ARHGAP30: variants seen among roughly 807,000 people sequenced by gnomAD.
ARHGAP30 encodes the protein Rho GTPase activating protein 30.
ARHGAP30 carries 23 observed loss-of-function variants against 72.0 expected under a neutral mutation model. That is an observed-to-expected ratio of 0.32 (90% CI 0.23 to 0.45). The LOEUF (loss-of-function observed/expected upper bound fraction) is 0.45. Among genes scored for constraint, ARHGAP30 ranks in the 20% least tolerant of loss-of-function variants. The pLI is 1.00. For missense variants in ARHGAP30, 1,319 were observed against 1,383.4 expected (o/e 0.95, Z 0.74); for synonymous variants, 576 against 528.2 (o/e 1.09, Z -1.24).
At chr1:161,064,838 AAAGAAAGAAAGGAAAGG>A (rs1450004642) in intron 1 of ARHGAP30, among the ~76,000 whole-genome samples, 4 of 117,092 alleles carry the variant, frequency 3.4e-5, no homozygotes, top group Admixed American at 8.7e-5. Flanking sequence ...AAAGAGAAAG[AAAGAAAGAAAGGAAAGG>A]AAGGAGAGGA....
At chr1:161,052,577 G>A (rs531692856) in intron 7 of ARHGAP30, 34 bp from the exon 8 acceptor site, 1 of 1,614,030 alleles carries the variant, frequency 6.2e-7, no homozygotes, top group Non-Finnish European at 8.5e-7. Flanking sequence ...TTGGAGGTTG[G>A]AACATGAAGG....
Position 161,052,348 on chromosome 1 carries a change from T to C in ARHGAP30, c.956A>G (p.Lys319Arg), listed in dbSNP as rs1398671896. ...GCTTTTGGCTGGCCGCAGTGTCCCC[T>C]TGTTGGATTTATCCTCTGTAAGACA... is the stretch of plus-strand genomic sequence containing the variant. ...GAEDREDKSNKGTLRPAKSMD... is the reference protein window; with the variant it reads ...GAEDREDKSNRGTLRPAKSMD... The change falls in exon 9 of 12, where the codon AAG (lysine) becomes AGG (arginine). Residue 319 changes from lysine (K) to arginine (R), a missense_variant. By Grantham distance (26) the Lys-to-Arg change is conservative. Around this residue, in one of 2 missense-constraint regions of ARHGAP30, gnomAD observed 1,097 missense variants for 1,045.2 expected, o/e 1.05. Transcript: ENST00000368013. 2.5e-6 allele frequency: 4 copies of C among 1,613,822 alleles called. No homozygotes were observed. The African/African-American group carries it at 5.3e-5, about 22-fold the overall frequency.
intron 1 of ARHGAP30, among the ~76,000 whole-genome samples, chr1:161,065,466 G>C (rs969238968): frequency 2.0e-5 from 3 of 152,082 alleles, no homozygotes; most frequent in African/African-American, 7.2e-5. Context: ...GCTCTTTGTT[G>C]AATAAAGTAT....
chr1:161,054,779 C>A, intron 3 of ARHGAP30, 74 bp from the exon 4 acceptor site: 2 of 1,345,194 alleles, frequency 1.5e-6, no homozygotes, highest in Non-Finnish European at 2.1e-6. Context: ...GAGCTTGTAA[C>A]CAAGTTCTCA....
rs1303742105 is a variant in ARHGAP30, at chr1:161,047,730, T to C, written c.3291A>G (p.Lys1097=). The C allele has an allele frequency of 7.2e-6, 11 of 1,522,646 alleles. No homozygotes were observed. The highest frequency in any genetic ancestry group is 9.7e-6 in the Non-Finnish European group (11 of 1,136,584). 94.3% of individuals were successfully genotyped at this position (1,522,646 alleles called of 1,614,324 possible). ...GTGGTCCTAATCACAGTCCTTCACC[T>C]TTCCCAGGGTTAGCCTGTGTTTCAA... ...YAFETQANPG[K]GEGL Residue 1097 remains lysine (K), a synonymous_variant, in exon 12 of 12, where the codon AAA becomes AAG. Coordinates refer to ENST00000368013, the MANE Select transcript of ARHGAP30 (RefSeq NM_001025598.2).
Position 161,069,604 on chromosome 1 carries a change from T to C in ARHGAP30, c.21A>G (p.Gly7=), listed in dbSNP as rs1410070380. The change falls in exon 1 of 12, where the codon GGA becomes GGG. Residue 7 remains glycine (G), a synonymous_variant. Coordinates refer to ENST00000368013, the MANE Select transcript of ARHGAP30 (RefSeq NM_001025598.2). This position sits in a 1 kb window ranked among gnomAD's most constrained non-coding sequence, Gnocchi z 4.9. ...GCTCCTTTGCGCTGCCCTTCTTCTTTCCTTTCTGCCGAGACTTCATGGCCA... is the reference window on the plus strand; with the variant it reads ...GCTCCTTTGCGCTGCCCTTCTTCTTCCCTTTCTGCCGAGACTTCATGGCCA... MKSRQK[G]KKKGSAKERV... 21 of 1,610,788 alleles carry C rather than the reference T, an allele frequency of 1.3e-5. No individual in the cohort carries two copies. Among genetic ancestry groups the C allele is most frequent in the Non-Finnish European group, 1.5e-5 (18 of 1,180,018 alleles).
At position 161,054,660 on chromosome 1, in the gene ARHGAP30, G is replaced by A. The variant is rs1557925028; in HGVS notation, c.391C>T (p.Leu131=). Residue 131 remains leucine (L), a synonymous_variant, in exon 4 of 12, where the codon CTA becomes TTA. Coordinates refer to ENST00000368013, the MANE Select transcript of ARHGAP30 (RefSeq NM_001025598.2). The part of the protein sequence containing the change: ...QLEPERLVKI[L]EVLRELPVPN... The stretch of plus-strand genomic sequence containing the variant: ...ACAGGGAGTTCCCGAAGCACCTCTA[G>A]GATCTTGACCAAGCGCTCAGGTTCC... 1 of 1,613,996 alleles carries A rather than the reference G, an allele frequency of 6.2e-7. No individual in the cohort carries two copies. The highest frequency in any genetic ancestry group is 8.5e-7 in the Non-Finnish European group (1 of 1,180,026).
At chr1:161,057,974 G>A (rs111847432) in intron 2 of ARHGAP30, among the ~76,000 whole-genome samples, 38,807 of 151,788 alleles carry the variant, frequency 0.26, 7,598 homozygotes, top group African/African-American at 0.55. Flanking sequence ...CAACATGGAG[G>A]AACCCCGTCT....
At chr1:161,056,246 G>A (rs1312881250) in intron 3 of ARHGAP30, 142 bp downstream of exon 3, 4 of 1,172,344 alleles carry the variant, frequency 3.4e-6, no homozygotes, top group African/African-American at 3.1e-5. Context: ...GGGAGGAGGG[G>A]TCTTTTCCCC....
chr1:161,064,811 G>GA (rs1180443934), intron 1 of ARHGAP30, among the ~76,000 whole-genome samples: 2 of 65,154 alleles, frequency 3.1e-5, no homozygotes, highest in Non-Finnish European at 5.6e-5. Context: ...AAGAAAGAAA[G>GA]AAAGAAAGAA....
intron 1 of ARHGAP30, among the ~76,000 whole-genome samples, chr1:161,067,694 AG>A (rs1212751282): frequency 6.6e-6 from 1 of 152,190 alleles, no homozygotes; most frequent in African/African-American, 2.4e-5. Flanking sequence ...AGCTGGAGAG[AG>A]GGCTGAGATG....
At chr1:161,063,778 G>A (rs973536955) in intron 1 of ARHGAP30, among the ~76,000 whole-genome samples, 4 of 152,104 alleles carry the variant, frequency 2.6e-5, no homozygotes, top group South Asian at 2.1e-4. Context: ...AAGAGAATGC[G>A]CACCTAGGGG....
Position 161,055,811 on chromosome 1 carries a change from A to T in ARHGAP30, c.345+577T>A, listed in dbSNP as rs1249222031. ...AATTAAAATAAAATAAAATAATAAA[A>T]TAAAATAAAATAAAATAAAATAAAA... is the stretch of plus-strand genomic sequence containing the variant. On this transcript the variant is annotated intron_variant, in intron 3 of 11. Coordinates refer to ENST00000368013, the MANE Select transcript of ARHGAP30 (RefSeq NM_001025598.2). Among the ~76,000 whole-genome samples the T allele has an allele frequency of 5.8e-4, 30 of 52,072 alleles. 2 individuals are homozygous for T. The highest frequency in any genetic ancestry group is 2.1e-3 in the African/African-American group (30 of 14,122). 34.2% of individuals were successfully genotyped at this position (52,072 alleles called of 152,430 possible). A position where few individuals can be genotyped will look rare whatever the true frequency, so the allele number is the denominator to read the frequency against.
chr1:161,068,185 G>A (rs1432122949), intron 1 of ARHGAP30, among the ~76,000 whole-genome samples: 1 of 152,200 alleles, frequency 6.6e-6, no homozygotes. Context: ...TGAGCTGGGA[G>A]GAGCACATCA....
chr1:161,069,824 TGAA>T lies in ARHGAP30; in HGVS notation c.-203_-201del, dbSNP rs879274054. On this transcript the variant is annotated 5_prime_UTR_variant, in exon 1 of 12. Transcript: ENST00000368013. The surrounding 1 kb of genome is among the most constrained non-coding windows in gnomAD (Gnocchi z 4.9). ...GCCCCGGCCACACGGAAGTGGCTGT[TGAA>T]GAGGAAGCTACCAGGACCCTGGCAA... 3.2e-5 allele frequency: 19 copies of T among 594,192 alleles called. No individual in the cohort carries two copies. The highest frequency in any genetic ancestry group is 6.0e-5 in the Admixed American group (2 of 33,570). 36.8% of individuals were successfully genotyped at this position (594,192 alleles called of 1,614,324 possible). A position where few individuals can be genotyped will look rare whatever the true frequency, so the allele number is the denominator to read the frequency against.
In ARHGAP30 at chr1:161,053,009, G is replaced by A. The variant is rs1294199962; in HGVS notation, c.665-212C>T. The A allele has an allele frequency of 8.3e-6, 7 of 844,648 alleles. No individual in the cohort carries two copies. In the East Asian group the frequency reaches 1.3e-4, roughly 16 times the overall value. The allele number at this position is 844,648 out of a possible 1,614,324, so 52.3% of individuals were successfully genotyped here. A position where few individuals can be genotyped will look rare whatever the true frequency, so the allele number is the denominator to read the frequency against. Reference sequence around the variant, plus strand: ...AGAACGTTGGCCTGGTGGGCTGGGGGTGGATATGAGCCATCACTAGCCTTG... The same window carrying A: ...AGAACGTTGGCCTGGTGGGCTGGGGATGGATATGAGCCATCACTAGCCTTG... On this transcript the variant is annotated intron_variant, in intron 6 of 11. Coordinates refer to ENST00000368013, the MANE Select transcript of ARHGAP30 (RefSeq NM_001025598.2).
intron 9 of ARHGAP30, among the ~76,000 whole-genome samples, chr1:161,052,026 ACCACCACCACCACCACCACCACCACCACC>A (rs1557920934): frequency 0.056 from 4,249 of 76,084 alleles, 707 homozygotes; most frequent in Admixed American, 0.061. Context: ...CACCACCACC[ACCACCACCACCACCACCACCACCACCACC>A]ACCACATACC....
rs1650908249 is a variant in ARHGAP30, at chr1:161,047,229, T to C, written c.*486A>G. On this transcript the variant is annotated 3_prime_UTR_variant, in exon 12 of 12. Coordinates refer to ENST00000368013, the MANE Select transcript of ARHGAP30 (RefSeq NM_001025598.2). ...AGCTCTTCCTGGACGTTTCTCTTAATCTGGATTTAAAAGGGACAGGAGGTA... is the reference window on the plus strand; with the variant it reads ...AGCTCTTCCTGGACGTTTCTCTTAACCTGGATTTAAAAGGGACAGGAGGTA... 1 of 236,722 alleles carries C rather than the reference T, an allele frequency of 4.2e-6. No homozygotes were observed. The highest frequency in any genetic ancestry group is 5.7e-5 in the Admixed American group (1 of 17,578). 14.7% of individuals were successfully genotyped at this position (236,722 alleles called of 1,614,324 possible). A position where few individuals can be genotyped will look rare whatever the true frequency, so the allele number is the denominator to read the frequency against.
At position 161,047,974 on chromosome 1, in the gene ARHGAP30, C is replaced by G. The variant is rs775692057; in HGVS notation, c.3047G>C (p.Arg1016Pro). ...ACCCTCAGTACAGGTCTGGGTTCGC[C>G]GAACTCCTTGAGCCTCAGTCCTTTG... The part of the protein sequence containing the change: ...DRQRTEAQGV[R>P]RTQTCTEGGD... The change falls in exon 12 of 12, where the codon CGG (arginine) becomes CCG (proline). Residue 1016 changes from arginine (R) to proline (P), a missense_variant. By Grantham distance (103) the Arg-to-Pro change is moderately radical. Transcript: ENST00000368013. 2 of 1,613,954 alleles carry G rather than the reference C, an allele frequency of 1.2e-6. No individual in the cohort carries two copies. Among genetic ancestry groups the G allele is most frequent in the African/African-American group, 2.7e-5 (2 of 74,894 alleles).
Sources: allele counts gnomAD v4.1 joint callset (sites outside exome capture counted in the v4.1 genomes callset), GRCh38; gene constraint gnomAD v4.1.1; regional missense constraint gnomAD v4.1.1; non-coding constraint Gnocchi (gnomAD v3.1); transcripts MANE v1.5; gene names NCBI Gene and HGNC (gene_info 2026-07-23, HGNC 2026-07-21).